Variants in ZDHHC20 observed in about 807,000 individuals in gnomAD.
The protein encoded by ZDHHC20 is zDHHC palmitoyltransferase 20.
ZDHHC20 carries 43 observed loss-of-function variants against 57.8 expected under a neutral mutation model. The ratio of observed to expected loss-of-function variants is 0.74; its 90% CI spans 0.58 to 0.96. The LOEUF is 0.96. Among genes scored for constraint, ZDHHC20 ranks in the 40% least tolerant of loss-of-function variants. ZDHHC20 has a pLI of 0.00. For missense variants in ZDHHC20, 391 were observed against 441.1 expected, an observed-to-expected ratio of 0.89 and a Z score of 1.02; for synonymous variants, 157 against 153.0, an observed-to-expected ratio of 1.03 and a Z score of -0.19.
chr13:21,455,928 A>G (rs1316350682), intron 1 of ZDHHC20, among the ~76,000 whole-genome samples: 1 of 152,198 alleles, frequency 6.6e-6, no homozygotes, highest in Non-Finnish European at 1.5e-5. Flanking sequence ...GGTTAACAGC[A>G]TGGGCTTTGG....
At chr13:21,432,692 C>G (rs1022861359) in intron 1 of ZDHHC20, among the ~76,000 whole-genome samples, 7 of 152,134 alleles carry the variant, frequency 4.6e-5, no homozygotes, top group African/African-American at 1.7e-4. Context: ...TTGTCTTGAA[C>G]TCCTGACCTC....
chr13:21,419,405 T>C (rs1291022288), intron 3 of ZDHHC20, among the ~76,000 whole-genome samples: 1 of 152,244 alleles, frequency 6.6e-6, no homozygotes, highest in African/African-American at 2.4e-5. Context: ...AGACATGCAC[T>C]AGAATGTTTA....
rs529180383 is a variant in ZDHHC20, at chr13:21,391,835, C to T, written c.614G>A (p.Arg205His). 7.4e-6 allele frequency: 12 copies of T among 1,612,026 alleles called. No homozygotes were observed. The highest frequency in any genetic ancestry group is 4.5e-5 in the East Asian group (2 of 44,832). Residue 205 changes from arginine to histidine, a missense_variant, in exon 8 of 13, where the codon CGT becomes CAT. By Grantham distance (29) the Arg-to-His change is conservative. Around this residue, in one of 3 missense-constraint regions of ZDHHC20, gnomAD observed 197 missense variants for 220.8 expected, o/e 0.89. Transcript: ENST00000400590. ...AAGAAAAAGTACGTGGAATTTTGCA[C>T]GTGTATCTGTCAGTTCATTCTGAGG... Reference protein sequence around the residue: ...KFWTNELTDTRAKFHVLFLFF... With the variant: ...KFWTNELTDTHAKFHVLFLFF...
intron 11 of ZDHHC20, among the ~76,000 whole-genome samples, chr13:21,379,834 T>TTTTTTTTTTG (rs1872946046): frequency 6.6e-6 from 1 of 151,256 alleles, no homozygotes; most frequent in Admixed American, 6.6e-5. Context: ...TCTTTTTTTT[T>TTTTTTTTTTG]GAGATGGAAT....
rs1028489605 is a variant in ZDHHC20, at chr13:21,403,813, G to A, written c.371-947C>T. Among the ~76,000 whole-genome samples, 8 of 152,198 alleles carry A rather than the reference G, an allele frequency of 5.3e-5. No individual in the cohort carries two copies. The East Asian group carries it at 1.2e-3, about 22-fold the overall frequency. ...AGCAATTCTCCTGCCTCAGCCTCCC[G>A]AGTAGCTGGGACAACAGGTGTGCGC... On this transcript the variant is annotated intron_variant, in intron 4 of 12. Coordinates refer to ENST00000400590, the MANE Select transcript of ZDHHC20 (RefSeq NM_001330059.2).
At chr13:21,428,877 CAA>C (rs1269022201) in intron 1 of ZDHHC20, among the ~76,000 whole-genome samples, 2 of 138,602 alleles carry the variant, frequency 1.4e-5, no homozygotes, top group Non-Finnish European at 3.0e-5. Context: ...CAAAATAAAA[CAA>C]AACAAAAGAA....
Position 21,413,871 on chromosome 13 carries a change from A to G in ZDHHC20, c.250-99T>C, listed in dbSNP as rs1169338241. 1.5e-5 allele frequency: 15 copies of G among 1,024,860 alleles called. No homozygotes were observed. In the East Asian group the frequency reaches 3.4e-4, roughly 23 times the overall value. 63.5% of individuals were successfully genotyped at this position (1,024,860 alleles called of 1,614,324 possible). On this transcript the variant is annotated intron_variant, in intron 3 of 12. Coordinates refer to ENST00000400590, the MANE Select transcript of ZDHHC20 (RefSeq NM_001330059.2). ...TCTAGAAAAAAGAAAACCAAAAACT[A>G]TTTTATGAAGACAAAACTTGTCTTC...
intron 3 of ZDHHC20, 83 bp downstream of exon 3, chr13:21,420,978 A>G (rs1880578071): frequency 4.6e-6 from 5 of 1,090,586 alleles, no homozygotes; most frequent in Admixed American, 4.0e-5. Context: ...TGCATTATGT[A>G]AAGTTTTAAC....
chr13:21,426,846 A>C (rs999302694), intron 1 of ZDHHC20, among the ~76,000 whole-genome samples: 1 of 151,996 alleles, frequency 6.6e-6, no homozygotes, highest in Non-Finnish European at 1.5e-5. Context: ...ACTTCAAGTG[A>C]ATCCGCCCAC....
intron 7 of ZDHHC20, among the ~76,000 whole-genome samples, chr13:21,392,212 TAAA>T (rs34810017): frequency 4.2e-5 from 4 of 95,790 alleles, no homozygotes; most frequent in Admixed American, 2.3e-4. Flanking sequence ...CCCTGTCTCA[TAAA>T]AAAAAAAAAA....
At position 21,439,097 on chromosome 13, in the gene ZDHHC20, TGTG is replaced by T. The variant is rs570829944; in HGVS notation, c.119-13422_119-13420del. Among the ~76,000 whole-genome samples the T allele has an allele frequency of 5.2e-3, 789 of 152,354 alleles. 8 individuals are homozygous for T. The highest frequency in any genetic ancestry group is 0.018 in the African/African-American group (751 of 41,570). ...TGCTTTATTTTGATATTTGCTTTATTGTGGTGGTATGAAATCAAACCTGCAATT... is the reference window on the plus strand; with the variant it reads ...TGCTTTATTTTGATATTTGCTTTATTGTGGTATGAAATCAAACCTGCAATT... On this transcript the variant is annotated intron_variant, in intron 1 of 12. Transcript: ENST00000400590.
intron 9 of ZDHHC20, among the ~76,000 whole-genome samples, chr13:21,386,686 C>T (rs1353393385): frequency 6.6e-6 from 1 of 152,076 alleles, no homozygotes; most frequent in Admixed American, 6.6e-5. Flanking sequence ...GTAGCTGGGA[C>T]TACAGGTGTG....
chr13:21,445,442 T>C (rs530762915), intron 1 of ZDHHC20, among the ~76,000 whole-genome samples: 4 of 152,302 alleles, frequency 2.6e-5, no homozygotes, highest in Middle Eastern at 3.4e-3. Context: ...CCTCAGACTA[T>C]ATGTCAGACA....
At chr13:21,424,224 TTACATA>T (rs144710006) in intron 2 of ZDHHC20, among the ~76,000 whole-genome samples, 92 of 152,284 alleles carry the variant, frequency 6.0e-4, no homozygotes, top group Non-Finnish European at 1.1e-3. Context: ...AAACTTCTGG[TTACATA>T]TACATGCTAT....
intron 4 of ZDHHC20, among the ~76,000 whole-genome samples, chr13:21,409,733 C>T (rs1051064280): frequency 6.6e-6 from 1 of 152,102 alleles, no homozygotes; most frequent in African/African-American, 2.4e-5. Flanking sequence ...TTTTTCAGCT[C>T]CATCAAGTCA....
chr13:21,383,094 G>A lies in ZDHHC20; in HGVS notation c.855-85C>T, dbSNP rs1364228180. On this transcript the variant is annotated intron_variant, in intron 9 of 12. Transcript: ENST00000400590. ...TTTAACACTCATTTTTCAGAGACAT[G>A]GCATACATTATCATAACTTGTCATA... 3 of 1,201,614 alleles carry A rather than the reference G, an allele frequency of 2.5e-6. No individual in the cohort carries two copies. The Middle Eastern group carries it at 7.6e-4, about 305-fold the overall frequency. 74.4% of individuals were successfully genotyped at this position (1,201,614 alleles called of 1,614,324 possible).
At position 21,396,194 on chromosome 13, in the gene ZDHHC20, C is replaced by T. The variant is rs1876755881; in HGVS notation, c.594+4179G>A. ...CTATCCTGGGGCCCCTTCCTCTTGG[C>T]GCTGTGAGTAACAAACTATCTTTTC... On this transcript the variant is annotated intron_variant, in intron 7 of 12. Transcript: ENST00000400590. Among the ~76,000 whole-genome samples, 3 of 152,274 alleles carry T rather than the reference C, an allele frequency of 2.0e-5. No homozygotes were observed. The South Asian group carries it at 6.2e-4, about 32-fold the overall frequency.
In ZDHHC20 at chr13:21,418,222, C is replaced by G. The variant is rs186622385; in HGVS notation, c.249+2839G>C. Among the ~76,000 whole-genome samples the G allele has an allele frequency of 9.2e-5, 14 of 152,288 alleles. No homozygotes were observed. The East Asian group carries it at 2.7e-3, about 29-fold the overall frequency. ...ATTACAATACCAGATGATAAGTTCT[C>G]TGACAGGGCAAATGGAGCATGCCAC... On this transcript the variant is annotated intron_variant, in intron 3 of 12. Coordinates refer to ENST00000400590, the MANE Select transcript of ZDHHC20 (RefSeq NM_001330059.2).
intron 4 of ZDHHC20, among the ~76,000 whole-genome samples, chr13:21,407,023 T>C (rs1566083927): frequency 1.3e-5 from 2 of 151,842 alleles, no homozygotes; most frequent in Non-Finnish European, 2.9e-5. Context: ...TTCTATTTCT[T>C]TGTCACCCAG....
Sources: allele counts gnomAD v4.1 joint callset (sites outside exome capture counted in the v4.1 genomes callset), GRCh38; gene constraint gnomAD v4.1.1; regional missense constraint gnomAD v4.1.1; transcripts MANE v1.5; gene names NCBI Gene and HGNC (gene_info 2026-07-23, HGNC 2026-07-21).